Variants in CNOT6L observed in about 807,000 individuals in gnomAD.
CNOT6L encodes the protein CCR4-NOT transcription complex subunit 6-like.
In CNOT6L, 7 loss-of-function variants were observed where a neutral mutation model predicts 64.0. That is an observed-to-expected ratio of 0.11 (90% CI 0.06 to 0.21). The LOEUF (loss-of-function observed/expected upper bound fraction) is 0.21. Ranked by LOEUF, CNOT6L falls within the 10% of genes least tolerant of loss-of-function variation. CNOT6L has a pLI of 1.00. For synonymous variants in CNOT6L, 193 were observed against 243.4 expected (o/e 0.79, Z 1.93); for missense variants, 245 against 669.0 (o/e 0.37, Z 6.99).
intron 5 of CNOT6L, among the ~76,000 whole-genome samples, chr4:77,750,493 T>A (rs1173747479): frequency 2.0e-5 from 3 of 151,812 alleles, no homozygotes; most frequent in Admixed American, 6.6e-5. Context: ...CTGGGACTAC[T>A]GGCGCCCACC....
At chr4:77,765,870 A>G (rs1055928931) in intron 4 of CNOT6L, among the ~76,000 whole-genome samples, 4 of 152,208 alleles carry the variant, frequency 2.6e-5, no homozygotes, top group Non-Finnish European at 4.4e-5. Flanking sequence ...TTTTGCTACA[A>G]TATTTGCTGC....
intron 5 of CNOT6L, among the ~76,000 whole-genome samples, chr4:77,750,363 T>G (rs899647504): frequency 1.5e-5 from 2 of 136,900 alleles, no homozygotes; most frequent in Non-Finnish European, 3.2e-5. Context: ...AGTCAGTTTG[T>G]TTTTTTTTGA....
intron 1 of CNOT6L, among the ~76,000 whole-genome samples, chr4:77,780,720 C>T (rs1728763003): frequency 6.6e-6 from 1 of 151,762 alleles, no homozygotes; most frequent in Non-Finnish European, 1.5e-5. Flanking sequence ...AACACTACCA[C>T]AGGGTGAAGA....
chr4:77,800,801 T>A (rs1731446137), intron 1 of CNOT6L, among the ~76,000 whole-genome samples: 1 of 152,066 alleles, frequency 6.6e-6, no homozygotes, highest in Admixed American at 6.6e-5. Flanking sequence ...AAATAAAACT[T>A]GATAAAGTAT....
chr4:77,761,083 C>T (rs1276762747), intron 4 of CNOT6L, among the ~76,000 whole-genome samples: 15 of 151,536 alleles, frequency 9.9e-5, no homozygotes, highest in Non-Finnish European at 1.5e-5. Flanking sequence ...TGGACAAATT[C>T]CTTGAAAGAC....
chr4:77,720,640 C>T lies in CNOT6L; in HGVS notation c.1459G>A (p.Val487Met), dbSNP rs754399392. ...TTGGAATAGAAAATGTAGTCAATCACGCCCTGGAAAGAGATTGGGAATAGG... is the reference window on the plus strand; with the variant it reads ...TTGGAATAGAAAATGTAGTCAATCATGCCCTGGAAAGAGATTGGGAATAGG... ...YTNYTFDFKG[V>M]IDYIFYSKTH... Residue 487 changes from valine to methionine, a missense_variant, in exon 12 of 12, where the codon GTG becomes ATG. By Grantham distance (21) the Val-to-Met change is conservative (BLOSUM62 1). Coordinates refer to ENST00000504123, the MANE Select transcript of CNOT6L (RefSeq NM_144571.3). The T allele has an allele frequency of 1.6e-5, 26 of 1,612,766 alleles. No homozygotes were observed. The highest frequency in any genetic ancestry group is 2.0e-5 in the Non-Finnish European group (24 of 1,179,158).
intron 4 of CNOT6L, 31 bp downstream of exon 4, chr4:77,773,050 A>T: frequency 6.9e-7 from 1 of 1,453,420 alleles, no homozygotes; most frequent in Non-Finnish European, 9.5e-7. Context: ...AAAGGCTCAG[A>T]ATACCTCAAA....
chr4:77,779,046 C>CAAAAAAAAAAAAAAA (rs747920305), intron 1 of CNOT6L, among the ~76,000 whole-genome samples: 14 of 67,120 alleles, frequency 2.1e-4, no homozygotes, highest in East Asian at 5.4e-4. Context: ...GACTCTGTCT[C>CAAAAAAAAAAAAAAA]AAAAAAAAAA....
chr4:77,800,737 C>G (rs1318793634), intron 1 of CNOT6L, among the ~76,000 whole-genome samples: 1 of 152,116 alleles, frequency 6.6e-6, no homozygotes, highest in Non-Finnish European at 1.5e-5. Flanking sequence ...ATCTACAAGT[C>G]TCCATTAAAA....
intron 4 of CNOT6L, among the ~76,000 whole-genome samples, chr4:77,771,693 T>C (rs1348228427): frequency 6.6e-6 from 1 of 152,234 alleles, no homozygotes; most frequent in African/African-American, 2.4e-5. Flanking sequence ...GGAAACCTAA[T>C]TATCATGTGT....
In CNOT6L at chr4:77,714,088, A is replaced by C. The variant is rs898591000; in HGVS notation, c.*6343T>G. On this transcript the variant is annotated 3_prime_UTR_variant, in exon 12 of 12. Transcript: ENST00000504123. ...GGAATAGTATCAATGGAAACTACCA[A>C]GTATTCAGGGAAAAAGTTACTAAAA... The C allele has an allele frequency of 6.6e-6, 1 of 152,620 alleles. No individual in the cohort carries two copies. The highest frequency in any genetic ancestry group is 6.6e-5 in the Admixed American group (1 of 15,264). 9.5% of individuals were successfully genotyped at this position (152,620 alleles called of 1,614,324 possible).
chr4:77,786,013 G>C (rs1042214197), intron 1 of CNOT6L, among the ~76,000 whole-genome samples: 1 of 152,208 alleles, frequency 6.6e-6, no homozygotes, highest in African/African-American at 2.4e-5. Flanking sequence ...GGGTGCGGTG[G>C]CTCATGCCTG....
intron 11 of CNOT6L, among the ~76,000 whole-genome samples, chr4:77,721,037 A>ATAGTT (rs1360594196): frequency 6.6e-6 from 1 of 152,218 alleles, no homozygotes; most frequent in East Asian, 1.9e-4. Flanking sequence ...GAGCACATAC[A>ATAGTT]TAGTTAACGG....
chr4:77,750,143 A>G (rs1724695890), intron 5 of CNOT6L, among the ~76,000 whole-genome samples: 1 of 152,190 alleles, frequency 6.6e-6, no homozygotes, highest in African/African-American at 2.4e-5. Flanking sequence ...ACCATACACT[A>G]AAAGTTATAG....
At chr4:77,808,462 C>CAAA (rs1191618329) in intron 1 of CNOT6L, among the ~76,000 whole-genome samples, 1 of 59,704 alleles carries the variant, frequency 1.7e-5, no homozygotes, top group Non-Finnish European at 3.4e-5. Context: ...TCTGCCATCT[C>CAAA]AAAAAAAAAA....
intron 9 of CNOT6L, 56 bp from the exon 10 acceptor site, chr4:77,729,137 G>A (rs1722171603): frequency 7.3e-6 from 10 of 1,368,064 alleles, no homozygotes; most frequent in South Asian, 4.8e-5. Context: ...TTGAAGAAAT[G>A]TGGCATCCTC....
In CNOT6L at chr4:77,746,714, T is replaced by C. The variant is rs1484109806; in HGVS notation, c.559+1602A>G. 2.0e-5 allele frequency among the ~76,000 whole-genome samples: 3 copies of C among 152,340 alleles called. No homozygotes were observed. The East Asian group carries it at 5.8e-4, about 29-fold the overall frequency. ...ATTACTATGAAGAATTAGAAAATGG[T>C]GTTTTTAACATCAGAAGGGAATAAT... is the stretch of plus-strand genomic sequence containing the variant. On this transcript the variant is annotated intron_variant, in intron 6 of 11. Coordinates refer to ENST00000504123, the MANE Select transcript of CNOT6L (RefSeq NM_144571.3).
chr4:77,789,707 T>C lies in CNOT6L; in HGVS notation c.6-13315A>G, dbSNP rs149453867. Reference sequence around the variant, plus strand: ...GGATTATGCCTGTAATCCCAGAACTTTGGGAGGCAGAGGTGGGCAGATGGC... The same window carrying C: ...GGATTATGCCTGTAATCCCAGAACTCTGGGAGGCAGAGGTGGGCAGATGGC... On this transcript the variant is annotated intron_variant, in intron 1 of 11. Coordinates refer to ENST00000504123, the MANE Select transcript of CNOT6L (RefSeq NM_144571.3). 9.7e-3 allele frequency among the ~76,000 whole-genome samples: 1,472 copies of C among 151,128 alleles called. 21 individuals are homozygous for C. Among genetic ancestry groups the C allele is most frequent in the African/African-American group, 0.033 (1,369 of 41,086 alleles).
In CNOT6L at chr4:77,728,762, A is replaced by C. The variant is rs1334157437; in HGVS notation, c.1252+92T>G. 11 of 927,600 alleles carry C rather than the reference A, an allele frequency of 1.2e-5. No homozygotes were observed. In the East Asian group the frequency reaches 2.4e-4, roughly 20 times the overall value. The allele number at this position is 927,600 out of a possible 1,614,324, so 57.5% of individuals were successfully genotyped here. A position where few individuals can be genotyped will look rare whatever the true frequency, so the allele number is the denominator to read the frequency against. On this transcript the variant is annotated intron_variant, in intron 10 of 11. Coordinates refer to ENST00000504123, the MANE Select transcript of CNOT6L (RefSeq NM_144571.3). ...ATGGAATTCTTATGATACATTCCTT[A>C]ATTTATCTACTCAAAATTTAGGAGC...
Sources: gnomAD v4.1 joint callset for allele counts (sites outside exome capture counted in the v4.1 genomes callset) on GRCh38, gnomAD v4.1.1 for gene constraint, MANE v1.5 for transcripts, NCBI Gene and HGNC (gene_info 2026-07-23, HGNC 2026-07-21) for gene names.